Variants in BEND7 observed in about 807,000 individuals in gnomAD.
BEND7 encodes the protein BEN domain-containing protein 7.
In BEND7, 28 loss-of-function variants were observed where a neutral mutation model predicts 50.9. The observed-to-expected ratio is 0.55, with a 90% CI of 0.41 to 0.75. BEND7 has a LOEUF of 0.75. Among genes scored for constraint, BEND7 ranks in the 30% least tolerant of loss-of-function variants. BEND7 has a pLI of 0.00. For synonymous variants in BEND7, 170 were observed against 183.9 expected (o/e 0.92, Z 0.61); for missense variants, 477 against 491.3 (o/e 0.97, Z 0.28).
intron 6 of BEND7, among the ~76,000 whole-genome samples, chr10:13,467,735 T>C (rs900253529): frequency 1.2e-4 from 18 of 152,234 alleles, no homozygotes; most frequent in Non-Finnish European, 2.1e-4. Flanking sequence ...TATCTTGTTA[T>C]TCATGCCCTG....
intron 2 of BEND7, chr10:13,500,679 C>T (rs1384457657): frequency 8.1e-6 from 8 of 985,562 alleles, no homozygotes; most frequent in African/African-American, 5.2e-5. Context: ...GGAGACATCA[C>T]CTTCAGAGAG....
intron 2 of BEND7, 80 bp downstream of exon 2, chr10:13,526,058 C>G (rs1016139006): frequency 1.5e-6 from 1 of 689,146 alleles, no homozygotes; most frequent in African/African-American, 1.9e-5. Context: ...ATTTCCCGTT[C>G]CTGAACAATT....
intron 2 of BEND7, among the ~76,000 whole-genome samples, chr10:13,510,144 GA>G (rs1390826294): frequency 1.3e-5 from 2 of 151,942 alleles, no homozygotes; most frequent in Non-Finnish European, 2.9e-5. Context: ...AGAAGATGAT[GA>G]ATACTAATGA....
At chr10:13,464,086 T>TTAA (rs1408966203) in intron 6 of BEND7, among the ~76,000 whole-genome samples, 1 of 152,236 alleles carries the variant, frequency 6.6e-6, no homozygotes, top group Non-Finnish European at 1.5e-5. Flanking sequence ...GATGCATCAA[T>TTAA]TAATCAGTTT....
chr10:13,502,786 T>C (rs3829928), intron 2 of BEND7: 61,472 of 416,298 alleles, frequency 0.15, 4,836 homozygotes, highest in African/African-American at 0.23. Flanking sequence ...TGGCACAGGT[T>C]GGTGGCCGCC....
chr10:13,521,537 G>C (rs754507941), intron 2 of BEND7, among the ~76,000 whole-genome samples: 1 of 152,200 alleles, frequency 6.6e-6, no homozygotes, highest in Admixed American at 6.5e-5. Flanking sequence ...GGAGCACAGG[G>C]ACACAAGGAC....
chr10:13,479,279 G>T (rs1451049369), intron 6 of BEND7, among the ~76,000 whole-genome samples: 1 of 152,062 alleles, frequency 6.6e-6, no homozygotes, highest in Non-Finnish European at 1.5e-5. Context: ...AAAGTGCAGG[G>T]ATTACAGGTT....
chr10:13,486,069 C>T lies in BEND7; in HGVS notation c.838-4945G>A, dbSNP rs534829219. 1.6e-3 allele frequency among the ~76,000 whole-genome samples: 247 copies of T among 152,284 alleles called. 1 individual carries two copies. Among genetic ancestry groups the T allele is most frequent in the Non-Finnish European group, 3.1e-3 (211 of 68,016 alleles). On this transcript the variant is annotated intron_variant, in intron 5 of 8. Coordinates refer to ENST00000466271, the MANE Select transcript of BEND7 (RefSeq NM_001369863.1). The stretch of plus-strand genomic sequence containing the variant: ...AAATAAAAATTTTTTCGTAGAGACA[C>T]AGTCTCACTATGTTGTCCAGGCTGG...
chr10:13,525,439 C>T (rs1244757750), intron 2 of BEND7, among the ~76,000 whole-genome samples: 1 of 152,148 alleles, frequency 6.6e-6, no homozygotes, highest in African/African-American at 2.4e-5. Flanking sequence ...TAGCTCTGCT[C>T]ATCCCTGACG....
chr10:13,461,255 C>T (rs1332650002), intron 6 of BEND7, among the ~76,000 whole-genome samples: 1 of 152,168 alleles, frequency 6.6e-6, no homozygotes, highest in Non-Finnish European at 1.5e-5. Flanking sequence ...GGCAGTCTCA[C>T]ATGAAGCTCA....
chr10:13,478,465 G>T (rs1022791406), intron 6 of BEND7, among the ~76,000 whole-genome samples: 1 of 152,170 alleles, frequency 6.6e-6, no homozygotes, highest in African/African-American at 2.4e-5. Context: ...GTGTCCTTAA[G>T]CAACTTACAA....
chr10:13,519,150 T>C (rs957463858), intron 2 of BEND7, among the ~76,000 whole-genome samples: 1 of 151,408 alleles, frequency 6.6e-6, no homozygotes, highest in African/African-American at 2.4e-5. Flanking sequence ...AGTAATGTTA[T>C]TACTTAGTGC....
In BEND7 at chr10:13,499,893, C is replaced by T. The variant is rs149156418; in HGVS notation, c.333G>A (p.Pro111=). ...SSAEAPQSLH[P]SSRGVWNELP... The stretch of plus-strand genomic sequence containing the variant: ...GCTCATTCCACACACCACGTGAAGA[C>T]GGGTGGAGGCTTTGCGGGGCCTCAG... Residue 111 remains proline (P), a synonymous_variant, in exon 3 of 9, where the codon CCG becomes CCA. Transcript: ENST00000466271. The T allele has an allele frequency of 4.5e-5, 72 of 1,614,136 alleles. No homozygotes were observed. The African/African-American group carries it at 4.5e-4, about 10-fold the overall frequency.
At chr10:13,481,367 G>T (rs1399422255) in intron 5 of BEND7, among the ~76,000 whole-genome samples, 1 of 152,146 alleles carries the variant, frequency 6.6e-6, no homozygotes, top group Non-Finnish European at 1.5e-5. Context: ...AAAGAAAATA[G>T]CCAAGAGAAG....
chr10:13,453,986 C>T (rs559504427), intron 6 of BEND7, among the ~76,000 whole-genome samples: 10 of 152,234 alleles, frequency 6.6e-5, no homozygotes, highest in Admixed American at 3.3e-4. Flanking sequence ...GGCAACAATC[C>T]GATTGTGCAG....
chr10:13,507,332 C>G (rs1266894211), intron 2 of BEND7, among the ~76,000 whole-genome samples: 1 of 152,174 alleles, frequency 6.6e-6, no homozygotes, highest in African/African-American at 2.4e-5. Context: ...CAGTCTCAAA[C>G]CCATCACTCA....
downstream of BEND7, chr10:13,439,242 CCT>C (rs1564479559): frequency 1.2e-6 from 2 of 1,614,084 alleles, no homozygotes; most frequent in Admixed American, 1.7e-5. Context: ...GTTGCGAATC[CCT>C]CTCTGATGAT....
intron 6 of BEND7, among the ~76,000 whole-genome samples, chr10:13,463,807 T>C (rs761667064): frequency 3.3e-5 from 5 of 152,114 alleles, no homozygotes; most frequent in African/African-American, 4.8e-5. Context: ...TAAGGGGTGA[T>C]ACTTGAAATG....
intron 5 of BEND7, among the ~76,000 whole-genome samples, chr10:13,484,697 A>G (rs1365447466): frequency 6.6e-6 from 1 of 152,246 alleles, no homozygotes; most frequent in African/African-American, 2.4e-5. Flanking sequence ...TTAAATGATG[A>G]TGTCTAAACG....
Sources: gnomAD v4.1 joint callset for allele counts (sites outside exome capture counted in the v4.1 genomes callset) on GRCh38, gnomAD v4.1.1 for gene constraint, MANE v1.5 for transcripts, NCBI Gene and HGNC (gene_info 2026-07-23, HGNC 2026-07-21) for gene names.